The following ZRANB3 variants were observed in gnomAD, a reference collection of about 807,000 sequenced individuals.
The protein encoded by ZRANB3 is DNA annealing helicase and endonuclease ZRANB3.
Under a neutral mutation model 133.8 loss-of-function variants are expected in ZRANB3, and 125 were observed. The ratio of observed to expected loss-of-function variants is 0.93; its 90% confidence interval spans 0.81 to 1.08. ZRANB3 has a LOEUF of 1.08. Ranked by LOEUF, ZRANB3 falls within the 50% of genes least tolerant of loss-of-function variation. The pLI is 0.00. For synonymous variants in ZRANB3, 387 were observed against 432.7 expected (o/e 0.89, Z 1.31); for missense variants, 1,229 against 1,275.5 (o/e 0.96, Z 0.56).
intron 1 of ZRANB3, among the ~76,000 whole-genome samples, chr2:135,528,993 CAGTA>C (rs1574262776): frequency 1.3e-5 from 2 of 152,188 alleles, no homozygotes; most frequent in South Asian, 2.1e-4. Flanking sequence ...GAGATTGAAA[CAGTA>C]AGTGACATTA....
chr2:135,230,605 G>A lies in ZRANB3; in HGVS notation c.1862C>T (p.Pro621Leu), dbSNP rs1381404208. Residue 621 changes from proline (P) to leucine (L), a missense_variant, in exon 13 of 21, where the codon CCT (proline) becomes CTT (leucine). Transcript: ENST00000264159. ...GAGACTACATTGCCAGCCCTCTACA[G>A]GAAAGGCTGGGGTGGTTAACTGGGC... ...AKAQLTTPAF[P>L]VEGWQCSLCT... The A allele has an allele frequency of 3.1e-6, 5 of 1,610,914 alleles. No homozygotes were observed. The East Asian group carries it at 1.1e-4, about 36-fold the overall frequency.
chr2:135,329,485 G>A (rs1057229594), intron 6 of ZRANB3, among the ~76,000 whole-genome samples: 1 of 152,198 alleles, frequency 6.6e-6, no homozygotes, highest in African/African-American at 2.4e-5. Context: ...TTTGAAGCCA[G>A]GTGGCATAAT....
At position 135,485,087 on chromosome 2, in the gene ZRANB3, G is replaced by C. The variant is rs79991471; in HGVS notation, c.161+19242C>G. Among the ~76,000 whole-genome samples the C allele has an allele frequency of 1.1e-4, 17 of 151,742 alleles. No homozygotes were observed. The East Asian group carries it at 1.2e-3, about 10-fold the overall frequency. ...ATATTTTTAAAACCCCAATAACTGAGGGAGTATACCTAGAAAGAACACTTC... is the reference window on the plus strand; with the variant it reads ...ATATTTTTAAAACCCCAATAACTGACGGAGTATACCTAGAAAGAACACTTC... On this transcript the variant is annotated intron_variant, in intron 2 of 20. Transcript: ENST00000264159.
rs184424636 is a variant in ZRANB3, at chr2:135,422,122, T to C, written c.162-31302A>G. 4.3e-3 allele frequency among the ~76,000 whole-genome samples: 659 copies of C among 152,254 alleles called. 3 individuals are homozygous for C. The highest frequency in any genetic ancestry group is 0.01 in the Middle Eastern group (3 of 294). On this transcript the variant is annotated intron_variant, in intron 2 of 20. Transcript: ENST00000264159. ...ACATTCGTAGAGTCAATAAAACACT[T>C]ACTGGGTTGTCTATTCTATTCTATC...
intron 4 of ZRANB3, among the ~76,000 whole-genome samples, 154 bp from the exon 5 acceptor site, chr2:135,350,369 A>G (rs1379266880): frequency 6.6e-6 from 1 of 152,242 alleles, no homozygotes; most frequent in African/African-American, 2.4e-5. Flanking sequence ...TGAAGATTTC[A>G]CAATCCTCAA....
At chr2:135,334,534 T>C (rs1339374764) in intron 6 of ZRANB3, among the ~76,000 whole-genome samples, 3 of 152,154 alleles carry the variant, frequency 2.0e-5, no homozygotes, top group Non-Finnish European at 2.9e-5. Context: ...GGTGAGAACA[T>C]TAAATGCAAC....
chr2:135,393,021 C>A (rs1687312920), intron 2 of ZRANB3, among the ~76,000 whole-genome samples: 1 of 151,806 alleles, frequency 6.6e-6, no homozygotes, highest in South Asian at 2.1e-4. Context: ...CAGGTGTATG[C>A]CACCACACCC....
chr2:135,284,117 A>G (rs1054799403), intron 8 of ZRANB3, among the ~76,000 whole-genome samples: 3 of 152,344 alleles, frequency 2.0e-5, no homozygotes, highest in Admixed American at 6.5e-5. Context: ...CTGGGTTTGA[A>G]TCCTAGCTCC....
intron 6 of ZRANB3, among the ~76,000 whole-genome samples, chr2:135,316,936 A>G (rs1455107637): frequency 6.8e-6 from 1 of 147,542 alleles, no homozygotes; most frequent in Non-Finnish European, 1.5e-5. Context: ...ACTGCACTCC[A>G]GCCTGGTGAC....
intron 8 of ZRANB3, among the ~76,000 whole-genome samples, chr2:135,312,577 T>C (rs930063893): frequency 2.0e-5 from 3 of 152,144 alleles, no homozygotes; most frequent in Admixed American, 6.5e-5. Flanking sequence ...TAAAATCCTA[T>C]ATTTTTCACT....
intron 5 of ZRANB3, among the ~76,000 whole-genome samples, chr2:135,346,097 GTTTTGTT>G (rs1195793250): frequency 3.3e-5 from 5 of 151,970 alleles, no homozygotes; most frequent in Non-Finnish European, 7.4e-5. Flanking sequence ...CTTTTGTTTT[GTTTTGTT>G]TTTTGTTTTT....
At chr2:135,489,470 A>T (rs936647143) in intron 2 of ZRANB3, among the ~76,000 whole-genome samples, 18 of 152,046 alleles carry the variant, frequency 1.2e-4, no homozygotes, top group African/African-American at 3.4e-4. Context: ...ATAATAAAAT[A>T]AAATTAAAAA....
chr2:135,417,746 T>C (rs970331407), intron 2 of ZRANB3, among the ~76,000 whole-genome samples: 1 of 152,120 alleles, frequency 6.6e-6, no homozygotes, highest in Non-Finnish European at 1.5e-5. Flanking sequence ...ATTAAGAAAA[T>C]GTGGCACATA....
At chr2:135,246,964 GA>G (rs1237425831) in intron 12 of ZRANB3, among the ~76,000 whole-genome samples, 1 of 152,042 alleles carries the variant, frequency 6.6e-6, no homozygotes, top group Admixed American at 6.6e-5. Flanking sequence ...AAGGAGAGGG[GA>G]AAAAAATCTA....
At chr2:135,515,375 T>C (rs1693656117) in intron 1 of ZRANB3, among the ~76,000 whole-genome samples, 1 of 152,270 alleles carries the variant, frequency 6.6e-6, no homozygotes, top group Non-Finnish European at 1.5e-5. Context: ...TTTGTGATAT[T>C]AGGGTGTCGA....
chr2:135,512,248 A>G (rs1693498474), intron 1 of ZRANB3, among the ~76,000 whole-genome samples: 1 of 152,200 alleles, frequency 6.6e-6, no homozygotes. Context: ...TTTTAGGTCA[A>G]GATAGTGTTT....
intron 15 of ZRANB3, among the ~76,000 whole-genome samples, chr2:135,224,125 A>C (rs939287470): frequency 3.3e-5 from 5 of 152,132 alleles, no homozygotes; most frequent in Non-Finnish European, 7.3e-5. Context: ...CATCAGGGTA[A>C]ATGGGGTATA....
At chr2:135,401,583 C>T (rs1337599854) in intron 2 of ZRANB3, among the ~76,000 whole-genome samples, 1 of 152,170 alleles carries the variant, frequency 6.6e-6, no homozygotes, top group Non-Finnish European at 1.5e-5. Context: ...AGGCCTTAGT[C>T]AACATAACTA....
chr2:135,446,798 G>A (rs1397715332), intron 2 of ZRANB3, among the ~76,000 whole-genome samples: 3 of 152,146 alleles, frequency 2.0e-5, no homozygotes, highest in African/African-American at 7.2e-5. Flanking sequence ...TGTAGGTCCT[G>A]GTAGTGTTTT....
Sources: allele counts gnomAD v4.1 joint callset (sites outside exome capture counted in the v4.1 genomes callset), GRCh38; gene constraint gnomAD v4.1.1; transcripts MANE v1.5; gene names NCBI Gene and HGNC (gene_info 2026-07-23, HGNC 2026-07-21).